Variants in LAMA4 observed in about 807,000 individuals in gnomAD.
The protein encoded by LAMA4 is laminin subunit alpha 4.
LAMA4 carries 127 observed loss-of-function variants against 207.1 expected under a neutral mutation model. That is an observed-to-expected ratio of 0.61 (90% CI 0.53 to 0.71). The LOEUF is 0.71. Among genes scored for constraint, LAMA4 ranks in the 30% least tolerant of loss-of-function variants. The pLI, the probability that LAMA4 is intolerant of heterozygous loss-of-function variation, is 0.00. For missense variants in LAMA4, 2,093 were observed against 2,246.5 expected, an observed-to-expected ratio of 0.93 and a Z score of 1.38; for synonymous variants, 761 against 816.0, an observed-to-expected ratio of 0.93 and a Z score of 1.15.
At chr6:112,131,918 A>C (rs1316573881) in intron 28 of LAMA4, among the ~76,000 whole-genome samples, 2 of 152,288 alleles carry the variant, frequency 1.3e-5, no homozygotes, top group Admixed American at 1.3e-4. Flanking sequence ...TGGATCTTAC[A>C]GTCACCAATC....
At position 112,148,352 on chromosome 6, in the gene LAMA4, A is replaced by G; in HGVS notation, c.2174-16T>C. On this transcript the variant is annotated splice_polypyrimidine_tract_variant and intron_variant, in intron 17 of 38. Coordinates refer to ENST00000230538, the MANE Select transcript of LAMA4 (RefSeq NM_001105206.3). ...TGGGCATCCCCTTTACACAGAGCAC[A>G]GGGTCATTCACTTTGCAGAGAAGCC... is the stretch of plus-strand genomic sequence containing the variant. 2 of 1,614,010 alleles carry G rather than the reference A, an allele frequency of 1.2e-6. No individual in the cohort carries two copies. Among genetic ancestry groups the G allele is most frequent in the South Asian group, 1.1e-5 (1 of 91,078 alleles).
At chr6:112,144,749 G>GT (rs782402857) in intron 19 of LAMA4, 45 bp downstream of exon 19, 4 of 1,606,672 alleles carry the variant, frequency 2.5e-6, no homozygotes, top group Non-Finnish European at 3.4e-6. Flanking sequence ...TCAGCTTCGT[G>GT]TTATTATTAC....
chr6:112,228,582 G>A (rs908203716), intron 2 of LAMA4, among the ~76,000 whole-genome samples: 2 of 152,190 alleles, frequency 1.3e-5, no homozygotes, highest in African/African-American at 4.8e-5. Flanking sequence ...GCTAGAAACA[G>A]TAAAATTTGC....
chr6:112,124,910 C>T (rs1443171552), intron 31 of LAMA4, among the ~76,000 whole-genome samples: 2 of 152,120 alleles, frequency 1.3e-5, no homozygotes, highest in African/African-American at 4.8e-5. Flanking sequence ...GCATGCGCCA[C>T]CATGCCCAGC....
intron 18 of LAMA4, 100 bp downstream of exon 18, chr6:112,148,057 C>A (rs568733375): frequency 3.2e-6 from 4 of 1,235,050 alleles, no homozygotes; most frequent in Non-Finnish European, 4.7e-6. Flanking sequence ...TTTTCGAATC[C>A]AAAACCCAAA....
rs34824903 is a variant in LAMA4 at position 112,162,965 on chromosome 6, CTTTTTTT to C, written c.1668+2188_1668+2194del. The stretch of plus-strand genomic sequence containing the variant: ...GCCCAGTGTCAAGTGCAGCTCAAAT[CTTTTTTT>C]TTTTTTTTTTTTTTTTTGAGACAGG... On this transcript the variant is annotated intron_variant, in intron 13 of 38. Transcript: ENST00000230538. Among the ~76,000 whole-genome samples the C allele has an allele frequency of 4.8e-3, 441 of 91,300 alleles. 5 individuals carry two copies. Among genetic ancestry groups the C allele is most frequent in the African/African-American group, 0.02 (433 of 21,842 alleles). 59.9% of individuals were successfully genotyped at this position (91,300 alleles called of 152,430 possible).
At chr6:112,120,234 G>T in intron 33 of LAMA4, 49 bp downstream of exon 33, 2 of 1,455,398 alleles carry the variant, frequency 1.4e-6, no homozygotes, top group South Asian at 2.3e-5. Context: ...GTGTCCATTT[G>T]ACAATGGTAG....
intron 27 of LAMA4, 31 bp from the exon 28 acceptor site, chr6:112,132,921 T>G: frequency 1.2e-6 from 2 of 1,609,174 alleles, no homozygotes; most frequent in South Asian, 2.2e-5. Flanking sequence ...AGATAGTGTT[T>G]TTGAGAATTA....
intron 35 of LAMA4, among the ~76,000 whole-genome samples, chr6:112,116,595 AG>A (rs1323616576): frequency 6.6e-6 from 1 of 152,236 alleles, no homozygotes; most frequent in Non-Finnish European, 1.5e-5. Context: ...CAGAGGAGAA[AG>A]AGCAGAGAAA....
chr6:112,138,679 T>C (rs913101826), intron 24 of LAMA4, among the ~76,000 whole-genome samples: 8 of 152,190 alleles, frequency 5.3e-5, no homozygotes, highest in Non-Finnish European at 8.8e-5. Flanking sequence ...TATATCTGTT[T>C]ATAGTACACA....
Position 112,144,782 on chromosome 6 carries a change from T to C in LAMA4, c.2493+12A>G. Reference sequence around the variant, plus strand: ...TACCGCTGACTGACTGATGAGTCTTTTCATCAGTTACCTTGCTGGCAACAC... The same window carrying C: ...TACCGCTGACTGACTGATGAGTCTTCTCATCAGTTACCTTGCTGGCAACAC... On this transcript the variant is annotated intron_variant, in intron 19 of 38. Coordinates refer to ENST00000230538, the MANE Select transcript of LAMA4 (RefSeq NM_001105206.3). 1 of 1,612,466 alleles carries C rather than the reference T, an allele frequency of 6.2e-7. No homozygotes were observed.
intron 38 of LAMA4, among the ~76,000 whole-genome samples, chr6:112,112,672 G>C (rs114230960): frequency 6.7e-6 from 1 of 149,980 alleles, no homozygotes; most frequent in Non-Finnish European, 1.5e-5. Flanking sequence ...AAGGAGAAGA[G>C]TTGCTTTGCG....
In LAMA4 at chr6:112,134,728, T is replaced by A. The variant is rs189019371; in HGVS notation, c.3415-119A>T. 60 of 819,934 alleles carry A rather than the reference T, an allele frequency of 7.3e-5. No individual in the cohort carries two copies. The African/African-American group carries it at 9.8e-4, about 13-fold the overall frequency. 50.8% of individuals were successfully genotyped at this position (819,934 alleles called of 1,614,324 possible). A position where few individuals can be genotyped will look rare whatever the true frequency, so the allele number is the denominator to read the frequency against. Reference sequence around the variant, plus strand: ...CTGTTCTTCCATGCCTTTGTGCTTGTTTGTTCACAAAATGGGGAATAGATA... The same window carrying A: ...CTGTTCTTCCATGCCTTTGTGCTTGATTGTTCACAAAATGGGGAATAGATA... On this transcript the variant is annotated intron_variant, in intron 25 of 38. Transcript: ENST00000230538.
chr6:112,236,620 G>A (rs1554366144), intron 2 of LAMA4: 2 of 152,164 alleles, frequency 1.3e-5, no homozygotes, highest in Admixed American at 6.6e-5. Context: ...TAATTCATTA[G>A]AACATCAGTT....
chr6:112,228,332 A>C (rs1785344266), intron 2 of LAMA4, among the ~76,000 whole-genome samples: 1 of 152,224 alleles, frequency 6.6e-6, no homozygotes, highest in Non-Finnish European at 1.5e-5. Context: ...CTTTATGTGA[A>C]GGTAAAATAA....
chr6:112,245,240 G>C (rs549731820), intron 2 of LAMA4, among the ~76,000 whole-genome samples: 1 of 152,332 alleles, frequency 6.6e-6, no homozygotes, highest in Admixed American at 6.5e-5. Flanking sequence ...CCTCTGCTGT[G>C]GAAGAAGAGG....
At chr6:112,221,037 C>T (rs1400890302) in intron 2 of LAMA4, among the ~76,000 whole-genome samples, 1 of 152,058 alleles carries the variant, frequency 6.6e-6, no homozygotes, top group Non-Finnish European at 1.5e-5. Context: ...CTTACATACT[C>T]GAATAGATCT....
intron 13 of LAMA4, chr6:112,164,003 A>G (rs1042208472): frequency 9.2e-5 from 14 of 152,350 alleles, no homozygotes; most frequent in African/African-American, 3.1e-4. Context: ...GGGAGGAAGG[A>G]TGAAGGGAGT....
intron 2 of LAMA4, among the ~76,000 whole-genome samples, chr6:112,231,854 T>G (rs1785585885): frequency 6.6e-6 from 1 of 152,182 alleles, no homozygotes; most frequent in African/African-American, 2.4e-5. Context: ...CCTTCAACAC[T>G]AAGGAAGGCT....
Sources: allele counts gnomAD v4.1 joint callset (sites outside exome capture counted in the v4.1 genomes callset), GRCh38; gene constraint gnomAD v4.1.1; transcripts MANE v1.5; gene names NCBI Gene and HGNC (gene_info 2026-07-23, HGNC 2026-07-21).